The following SGIP1 variants were observed in gnomAD, a reference collection of about 807,000 sequenced individuals.
SGIP1 encodes the protein SH3GL interacting endocytic adaptor 1.
A neutral mutation model predicts 107.5 loss-of-function variants in SGIP1; 38 were observed. The ratio of observed to expected loss-of-function variants is 0.35; its 90% CI spans 0.27 to 0.46. SGIP1 has a LOEUF of 0.46. Ranked by LOEUF, SGIP1 falls within the 20% of genes least tolerant of loss-of-function variation. The pLI is 1.00. For missense variants in SGIP1, 929 were observed against 1,019.5 expected (o/e 0.91, Z 1.21); for synonymous variants, 365 against 366.1 (o/e 1.00, Z 0.03).
In SGIP1 at chr1:66,643,531, A is replaced by T; in HGVS notation, c.284-13A>T. On this transcript the variant is annotated splice_polypyrimidine_tract_variant and intron_variant, in intron 6 of 24. Coordinates refer to ENST00000371037, the MANE Select transcript of SGIP1 (RefSeq NM_032291.4). The stretch of plus-strand genomic sequence containing the variant: ...GTAGAAGAAAGAGTTATGTATCTTT[A>T]ACTGTGTTCTACCTACCAAAGGAAA... 1 of 1,599,992 alleles carries T rather than the reference A, an allele frequency of 6.3e-7. No individual in the cohort carries two copies. The highest frequency in any genetic ancestry group is 1.1e-5 in the South Asian group (1 of 88,486).
At position 66,639,791 on chromosome 1, in the gene SGIP1, G is replaced by T. The variant is rs751468070; in HGVS notation, c.186G>T (p.Gly62=). The T allele has an allele frequency of 6.2e-7, 1 of 1,611,304 alleles. No individual in the cohort carries two copies. Among genetic ancestry groups the T allele is most frequent in the East Asian group, 2.2e-5 (1 of 44,742 alleles). ...GGKKVSKKSN[G]APNGFYAEID... is the part of the protein sequence containing the mutation. ...ATTTATTACAGAAGAAAAGCAATGGGGCACCAAATGGATTTTATGCGGAAA... is the reference window on the plus strand; with the variant it reads ...ATTTATTACAGAAGAAAAGCAATGGTGCACCAAATGGATTTTATGCGGAAA... The change falls in exon 5 of 25, where the codon GGG becomes GGT. Residue 62 remains glycine (G), a synonymous_variant. Coordinates refer to ENST00000371037, the MANE Select transcript of SGIP1 (RefSeq NM_032291.4).
At chr1:66,654,216 C>G (rs2149610088) in intron 7 of SGIP1, among the ~76,000 whole-genome samples, 1 of 152,272 alleles carries the variant, frequency 6.6e-6, no homozygotes, top group East Asian at 1.9e-4. Flanking sequence ...GTCTCAGTTG[C>G]TTTGATCTTT....
chr1:66,534,726 C>T (rs2053171366), intron 1 of SGIP1, among the ~76,000 whole-genome samples: 1 of 152,194 alleles, frequency 6.6e-6, no homozygotes, highest in Non-Finnish European at 1.5e-5. Context: ...TAAACATTTA[C>T]AATGGAAACT....
At chr1:66,668,167 C>T (rs1224864051) in intron 9 of SGIP1, among the ~76,000 whole-genome samples, 1 of 152,054 alleles carries the variant, frequency 6.6e-6, no homozygotes. Context: ...TGAAAACTGT[C>T]GTTTTCCTCA....
intron 17 of SGIP1, among the ~76,000 whole-genome samples, chr1:66,691,539 G>A (rs540576752): frequency 1.3e-5 from 2 of 152,250 alleles, no homozygotes; most frequent in Admixed American, 1.3e-4. Context: ...AGCCAAGTTT[G>A]CTCCTGTCTG....
chr1:66,648,593 G>A (rs913724282), intron 7 of SGIP1, among the ~76,000 whole-genome samples: 1 of 152,178 alleles, frequency 6.6e-6, no homozygotes, highest in Non-Finnish European at 1.5e-5. Context: ...CACTGCGTTT[G>A]AGAGACCTGG....
chr1:66,647,751 C>T (rs1040932496), intron 7 of SGIP1, among the ~76,000 whole-genome samples: 1 of 152,176 alleles, frequency 6.6e-6, no homozygotes, highest in Non-Finnish European at 1.5e-5. Context: ...CAGAGACACT[C>T]CAGTGTCCCT....
chr1:66,560,054 C>A (rs1045369955), intron 1 of SGIP1, among the ~76,000 whole-genome samples: 3 of 151,966 alleles, frequency 2.0e-5, no homozygotes, highest in South Asian at 4.2e-4. Flanking sequence ...TACTCCCCAG[C>A]AAATAGGCTT....
intron 18 of SGIP1, among the ~76,000 whole-genome samples, chr1:66,709,619 G>C (rs1486899253): frequency 6.6e-6 from 1 of 152,074 alleles, no homozygotes; most frequent in Non-Finnish European, 1.5e-5. Flanking sequence ...CCCCTTTTGA[G>C]GTTTGCCCTT....
chr1:66,679,024 A>G (rs931356553), intron 13 of SGIP1, among the ~76,000 whole-genome samples: 6 of 152,264 alleles, frequency 3.9e-5, no homozygotes, highest in African/African-American at 1.4e-4. Context: ...AGTCCAGCTC[A>G]GAAGGGTGAA....
chr1:66,690,323 A>C lies in SGIP1; in HGVS notation c.1570+7A>C. 1.9e-6 allele frequency: 3 copies of C among 1,613,816 alleles called. No individual in the cohort carries two copies. Among genetic ancestry groups the C allele is most frequent in the Non-Finnish European group, 2.5e-6 (3 of 1,179,924 alleles). On this transcript the variant is annotated splice_region_variant and intron_variant, in intron 17 of 24. Coordinates refer to ENST00000371037, the MANE Select transcript of SGIP1 (RefSeq NM_032291.4). ...GCCACCACTCCCACAGTTGGTAAAA[A>C]TTCTCTCCTCTCTTTTAATCCGTTT...
intron 15 of SGIP1, chr1:66,684,111 G>A: frequency 6.4e-7 from 1 of 1,550,404 alleles, no homozygotes; most frequent in Non-Finnish European, 8.7e-7. Context: ...TTACAGATGG[G>A]AAAACTGAGG....
At chr1:66,731,155 C>T (rs2093990872) in intron 20 of SGIP1, among the ~76,000 whole-genome samples, 1 of 152,176 alleles carries the variant, frequency 6.6e-6, no homozygotes, top group Non-Finnish European at 1.5e-5. Context: ...TGTGTTTCTT[C>T]ATTCATCCAT....
chr1:66,587,759 T>C (rs1055235252), intron 1 of SGIP1, among the ~76,000 whole-genome samples: 4 of 152,112 alleles, frequency 2.6e-5, no homozygotes, highest in Non-Finnish European at 5.9e-5. Context: ...ACATTGCCTC[T>C]ACCTTAAATA....
intron 1 of SGIP1, among the ~76,000 whole-genome samples, chr1:66,550,559 C>T (rs989334109): frequency 6.6e-6 from 1 of 152,108 alleles, no homozygotes; most frequent in African/African-American, 2.4e-5. Context: ...CAAGTAGATA[C>T]AGCTATTACC....
chr1:66,619,016 C>T (rs1182931781), intron 1 of SGIP1, among the ~76,000 whole-genome samples: 2 of 152,114 alleles, frequency 1.3e-5, no homozygotes, highest in Admixed American at 6.6e-5. Context: ...GGGGGAGATA[C>T]GTGAGGAACA....
chr1:66,552,348 T>C (rs1435550846), intron 1 of SGIP1, among the ~76,000 whole-genome samples: 2 of 152,176 alleles, frequency 1.3e-5, no homozygotes, highest in Non-Finnish European at 2.9e-5. Context: ...TCTGGGGCTA[T>C]GCTACCCTTG....
At chr1:66,570,520 C>T (rs1037725949) in intron 1 of SGIP1, among the ~76,000 whole-genome samples, 2 of 151,894 alleles carry the variant, frequency 1.3e-5, no homozygotes, top group Admixed American at 1.3e-4. Flanking sequence ...TTCATATCCT[C>T]TTCCCAACTA....
chr1:66,664,767 A>G (rs1300039615), intron 8 of SGIP1, among the ~76,000 whole-genome samples: 3 of 152,196 alleles, frequency 2.0e-5, no homozygotes, highest in African/African-American at 7.2e-5. Flanking sequence ...TGGTGAATCC[A>G]TGCATTAGCG....
Sources: allele counts gnomAD v4.1 joint callset (sites outside exome capture counted in the v4.1 genomes callset), GRCh38; gene constraint gnomAD v4.1.1; transcripts MANE v1.5; gene names NCBI Gene and HGNC (gene_info 2026-07-23, HGNC 2026-07-21).